Variants in AKAP9 observed in about 807,000 individuals in gnomAD.
The protein encoded by AKAP9 is A-kinase anchor protein 9.
Under a neutral mutation model 488.5 loss-of-function variants are expected in AKAP9, and 311 were observed. That is an observed-to-expected ratio of 0.64 (90% confidence interval 0.58 to 0.70). The LOEUF (loss-of-function observed/expected upper bound fraction) is 0.70, where lower values mean the gene tolerates loss of function less well. Ranked by LOEUF, AKAP9 falls within the 30% of genes least tolerant of loss-of-function variation. The pLI is 0.00. For synonymous variants in AKAP9, 1,462 were observed against 1,483.5 expected (o/e 0.99, Z 0.33); for missense variants, 4,215 against 4,374.5 (o/e 0.96, Z 1.03).
At chr7:92,100,014 A>C (rs1584558482) in intron 44 of AKAP9, 145 bp downstream of exon 44, 5 of 681,754 alleles carry the variant, frequency 7.3e-6, no homozygotes, top group African/African-American at 3.6e-5. Flanking sequence ...AGGGATGACA[A>C]TAATAATATT....
chr7:91,984,701 G>T (rs1003666654), intron 3 of AKAP9, among the ~76,000 whole-genome samples: 1 of 152,148 alleles, frequency 6.6e-6, no homozygotes, highest in Middle Eastern at 3.4e-3. Context: ...GATGGCATTC[G>T]ATCTATAAAT....
rs2130883508 is a variant in AKAP9 at position 92,089,374 on chromosome 7, C to G, written c.9214-11C>G. The G allele has an allele frequency of 6.2e-7, 1 of 1,610,986 alleles. No individual in the cohort carries two copies. The highest frequency in any genetic ancestry group is 8.5e-7 in the Non-Finnish European group (1 of 1,179,424). Reference sequence around the variant, plus strand: ...TGCTCTTCACTTGTTTTTTACCTTCCTTTGTTACAGGGTGTTGAATATCAA... The same window carrying G: ...TGCTCTTCACTTGTTTTTTACCTTCGTTTGTTACAGGGTGTTGAATATCAA... On this transcript the variant is annotated splice_polypyrimidine_tract_variant and intron_variant, in intron 37 of 49. Coordinates refer to ENST00000356239, the MANE Select transcript of AKAP9 (RefSeq NM_005751.5).
rs746403215 is a variant in AKAP9 at position 92,084,890 on chromosome 7, C to A, written c.8782C>A (p.Arg2928=). ...GGGATTTGACATAGCATCAGAAGGC[C>A]GAGGAGAAGAAAGTGAAAGTGCAAC... is the stretch of plus-strand genomic sequence containing the variant. ...SQGFDIASEG[R]GEESESATDS... is the part of the protein sequence containing the mutation. Residue 2928 remains arginine (R), a synonymous_variant, in exon 35 of 50, where the codon CGA becomes AGA. Transcript: ENST00000356239. 3 of 1,612,500 alleles carry A rather than the reference C, an allele frequency of 1.9e-6. No individual in the cohort carries two copies. The highest frequency in any genetic ancestry group is 2.5e-6 in the Non-Finnish European group (3 of 1,179,514).
intron 1 of AKAP9, among the ~76,000 whole-genome samples, chr7:91,953,711 A>G (rs1273878654): frequency 6.6e-6 from 1 of 152,198 alleles, no homozygotes; most frequent in African/African-American, 2.4e-5. Context: ...GAGGAGCCAC[A>G]TATGACATTT....
rs1562960982 is a variant in AKAP9, at chr7:92,002,231, C to A, written c.2314C>A (p.Gln772Lys). Residue 772 changes from glutamine (Q) to lysine (K), a missense_variant, in exon 8 of 50, where the codon CAA (glutamine) becomes AAA (lysine). This residue lies in a region of AKAP9 where 2,361 missense variants were observed against 2,430.0 expected (regional missense o/e 0.97). Transcript: ENST00000356239. ...KENDLQEKFA[Q>K]LEAENSILKD... Reference sequence around the variant, plus strand: ...GAATGATCTTCAAGAAAAATTTGCACAACTTGAAGCAGAGAATAGCATTCT... The same window carrying A: ...GAATGATCTTCAAGAAAAATTTGCAAAACTTGAAGCAGAGAATAGCATTCT... The A allele has an allele frequency of 1.5e-5, 24 of 1,589,754 alleles. No homozygotes were observed. The highest frequency in any genetic ancestry group is 2.0e-5 in the Non-Finnish European group (23 of 1,173,716).
In AKAP9 at chr7:92,039,341, A is replaced by C. The variant is rs2130778670; in HGVS notation, c.4692+569A>C. ...GTTGTACCTGGTAAAATCCCATTGT[A>C]AGTTGTACGTACATTAATTCTGTTT... is the stretch of plus-strand genomic sequence containing the variant. On this transcript the variant is annotated intron_variant, in intron 17 of 49. Transcript: ENST00000356239. Among the ~76,000 whole-genome samples the C allele has an allele frequency of 2.0e-5, 3 of 152,350 alleles. No homozygotes were observed. The Middle Eastern group carries it at 0.01, about 518-fold the overall frequency.
chr7:92,085,531 G>A lies in AKAP9; in HGVS notation c.8869G>A (p.Val2957Met), dbSNP rs769518811. The stretch of plus-strand genomic sequence containing the variant: ...AGCTGTCCATAATGAAGGCATGCAG[G>A]TGCTTTCTCTCACTGAGTCTCCCTA... ...LRAVHNEGMQ[V>M]LSLTESPYSD... The change falls in exon 36 of 50, where the codon GTG (valine) becomes ATG (methionine). Residue 2957 changes from valine to methionine, a missense_variant. This residue lies in a region of AKAP9 where 1,476 missense variants were observed against 1,477.4 expected (regional missense o/e 1.00). Transcript: ENST00000356239. 1.2e-6 allele frequency: 2 copies of A among 1,614,054 alleles called. No homozygotes were observed. Among genetic ancestry groups the A allele is most frequent in the South Asian group, 1.1e-5 (1 of 91,082 alleles).
In AKAP9 at chr7:92,003,006, G is replaced by T; in HGVS notation, c.3089G>T (p.Gly1030Val). 2 of 1,613,514 alleles carry T rather than the reference G, an allele frequency of 1.2e-6. No individual in the cohort carries two copies. Among genetic ancestry groups the T allele is most frequent in the Non-Finnish European group, 8.5e-7 (1 of 1,179,602 alleles). Residue 1030 changes from glycine (G) to valine (V), a missense_variant, in exon 8 of 50, where the codon GGT becomes GTT. By Grantham distance (109) the Gly-to-Val change is moderately radical (BLOSUM62 -3). Around this residue, in one of 5 missense-constraint regions of AKAP9, gnomAD observed 2,361 missense variants for 2,430.0 expected, o/e 0.97. Transcript: ENST00000356239. ...GGAGTTGTGACCATGACAAGCAGGG[G>T]TGCTGAAGGATCAGTTTCTAAAGTA... ...LDGVVTMTSR[G>V]AEGSVSKVNK...
Position 92,070,839 on chromosome 7 carries a change from C to CA in AKAP9, c.6508-57dup, listed in dbSNP as rs1244119019. 6.6e-3 allele frequency: 3,828 copies of CA among 575,928 alleles called. 2 individuals carry two copies. The highest frequency in any genetic ancestry group is 0.021 in the East Asian group (475 of 22,950). The allele number at this position is 575,928 out of a possible 1,614,324, so 35.7% of individuals were successfully genotyped here. ...AAAAAAAAAAAAGCAGACCAAAAAA[C>CA]AAAAAAAAACTGGATAATCAGGATT... is the stretch of plus-strand genomic sequence containing the variant. On this transcript the variant is annotated intron_variant, in intron 27 of 49. Coordinates refer to ENST00000356239, the MANE Select transcript of AKAP9 (RefSeq NM_005751.5).
chr7:91,973,857 G>A lies in AKAP9; in HGVS notation c.195G>A (p.Met65Ile). 6.2e-7 allele frequency: 1 copy of A among 1,614,024 alleles called. No homozygotes were observed. Among genetic ancestry groups the A allele is most frequent in the Non-Finnish European group, 8.5e-7 (1 of 1,179,990 alleles). The change falls in exon 2 of 50, where the codon ATG becomes ATA. Residue 65 changes from methionine to isoleucine, a missense_variant. Physicochemically the swap from Met to Ile is conservative, Grantham distance 10. Coordinates refer to ENST00000356239, the MANE Select transcript of AKAP9 (RefSeq NM_005751.5). Reference protein sequence around the residue: ...LNIDQSQCNEMYINSSQRVES... With the variant: ...LNIDQSQCNEIYINSSQRVES... ...TTGATCAATCACAGTGTAATGAAAT[G>A]TACATAAATAGTTCTCAGAGAGTAG... is the stretch of plus-strand genomic sequence containing the variant.
rs1000354047 is a variant in AKAP9 at position 91,940,997 on chromosome 7, A to G, written c.-103A>G. 1.1e-5 allele frequency: 14 copies of G among 1,228,484 alleles called. No individual in the cohort carries two copies. In the South Asian group the frequency reaches 1.4e-4, roughly 13 times the overall value. The allele number at this position is 1,228,484 out of a possible 1,614,324, so 76.1% of individuals were successfully genotyped here. A position where few individuals can be genotyped will look rare whatever the true frequency, so the allele number is the denominator to read the frequency against. ...GAGCGCCGGACCGAATCGGCTCTCT[A>G]GGCCGTGGAGCTTGCCGTCCCACCT... On this transcript the variant is annotated 5_prime_UTR_variant, in exon 1 of 50. Transcript: ENST00000356239.
At chr7:92,017,381 A>G (rs943484740) in intron 12 of AKAP9, among the ~76,000 whole-genome samples, 2 of 152,162 alleles carry the variant, frequency 1.3e-5, no homozygotes, top group African/African-American at 4.8e-5. Context: ...TTAATTTTAC[A>G]TATAATGTAA....
rs186562208 is a variant in AKAP9 at position 92,004,918 on chromosome 7, G to A, written c.3318+1683G>A. Among the ~76,000 whole-genome samples, 523 of 152,196 alleles carry A rather than the reference G, an allele frequency of 3.4e-3. 1 individual carries two copies. Among genetic ancestry groups the A allele is most frequent in the African/African-American group, 0.012 (493 of 41,540 alleles). ...GCCAGTTTTCAAAGGGAATGCTTCC[G>A]GTTTTTGTCCATTCAGTATGATATT... On this transcript the variant is annotated intron_variant, in intron 8 of 49. Coordinates refer to ENST00000356239, the MANE Select transcript of AKAP9 (RefSeq NM_005751.5).
intron 3 of AKAP9, 30 bp downstream of exon 3, chr7:91,980,363 T>C (rs769848931): frequency 1.9e-5 from 22 of 1,180,590 alleles, no homozygotes; most frequent in Non-Finnish European, 2.3e-5. Context: ...ATTTCTAATA[T>C]CATAAATGTA....
intron 43 of AKAP9, among the ~76,000 whole-genome samples, chr7:92,098,977 T>G (rs1308069330): frequency 6.6e-6 from 1 of 152,176 alleles, no homozygotes; most frequent in Non-Finnish European, 1.5e-5. Flanking sequence ...CCTGGGGAAA[T>G]GTACCCCATA....
chr7:91,946,593 T>C (rs1236214701), intron 1 of AKAP9, among the ~76,000 whole-genome samples: 1 of 152,100 alleles, frequency 6.6e-6, no homozygotes, highest in Non-Finnish European at 1.5e-5. Flanking sequence ...AGGCTGGTCT[T>C]GAACTCCTGG....
At chr7:92,012,405 A>G in intron 8 of AKAP9, 24 bp from the exon 9 acceptor site, 1 of 1,569,314 alleles carries the variant, frequency 6.4e-7, no homozygotes, top group Non-Finnish European at 8.8e-7. Context: ...GAATATTATA[A>G]TGTTTACATA....
intron 8 of AKAP9, among the ~76,000 whole-genome samples, chr7:92,003,941 A>T (rs1271450970): frequency 1.3e-5 from 2 of 152,182 alleles, no homozygotes; most frequent in Non-Finnish European, 2.9e-5. Context: ...TCATTTTTCT[A>T]ACATATTTAT....
intron 26 of AKAP9, among the ~76,000 whole-genome samples, chr7:92,069,524 T>C (rs2130840085): frequency 6.6e-6 from 1 of 152,336 alleles, no homozygotes; most frequent in South Asian, 2.1e-4. Flanking sequence ...AAATACTTTT[T>C]AGAAAAAAAT....
Sources: gnomAD v4.1 joint callset for allele counts (sites outside exome capture counted in the v4.1 genomes callset) on GRCh38, gnomAD v4.1.1 for gene constraint, gnomAD v4.1.1 regional missense constraint, MANE v1.5 for transcripts, NCBI Gene and HGNC (gene_info 2026-07-23, HGNC 2026-07-21) for gene names.